The following MAP3K9 variants were observed in gnomAD, a reference collection of about 807,000 sequenced individuals.
MAP3K9 encodes mixed lineage kinase 1 (tyr and ser/thr specificity).
A neutral mutation model predicts 95.8 loss-of-function variants in MAP3K9; 46 were observed. That is an observed-to-expected ratio of 0.48 (90% CI 0.38 to 0.61). MAP3K9 has a LOEUF of 0.61. Among genes scored for constraint, MAP3K9 ranks in the 20% least tolerant of loss-of-function variants. The pLI, the probability that MAP3K9 is intolerant of heterozygous loss-of-function variation, is 0.00. For synonymous variants in MAP3K9, 533 were observed against 593.8 expected (o/e 0.90, Z 1.49); for missense variants, 1,296 against 1,474.3 (o/e 0.88, Z 1.98).
intron 1 of MAP3K9, among the ~76,000 whole-genome samples, chr14:70,803,265 G>A (rs1393499132): frequency 6.8e-6 from 1 of 146,914 alleles, no homozygotes; most frequent in Non-Finnish European, 1.5e-5. Context: ...CCCAGCCTCA[G>A]GTATTCCTTC....
intron 1 of MAP3K9, among the ~76,000 whole-genome samples, chr14:70,808,078 G>A (rs2055010888): frequency 1.3e-5 from 2 of 152,184 alleles, no homozygotes; most frequent in Admixed American, 1.3e-4. Context: ...ATGGGGGAAC[G>A]ACATACTTTT....
At chr14:70,748,723 G>A in intron 5 of MAP3K9, 106 bp downstream of exon 5, 1 of 800,534 alleles carries the variant, frequency 1.2e-6, no homozygotes, top group Non-Finnish European at 1.9e-6. Flanking sequence ...AATCAAGATG[G>A]TCAGTCAGAC....
chr14:70,766,919 ACACTATATG>A (rs2139795629), intron 2 of MAP3K9, among the ~76,000 whole-genome samples: 1 of 152,292 alleles, frequency 6.6e-6, no homozygotes, highest in African/African-American at 2.4e-5. Flanking sequence ...ACATAATCTA[ACACTATATG>A]CACTTCTAAT....
At chr14:70,804,955 T>C (rs992723721) in intron 1 of MAP3K9, among the ~76,000 whole-genome samples, 1 of 152,128 alleles carries the variant, frequency 6.6e-6, no homozygotes, top group Non-Finnish European at 1.5e-5. Context: ...GCTCAGTCCC[T>C]GTGGATAGGA....
chr14:70,806,397 T>C (rs1314065374), intron 1 of MAP3K9, among the ~76,000 whole-genome samples: 1 of 152,252 alleles, frequency 6.6e-6, no homozygotes, highest in Non-Finnish European at 1.5e-5. Flanking sequence ...TAATTAGTTT[T>C]TGACTGAAAC....
At chr14:70,766,845 C>T (rs1482882186) in intron 2 of MAP3K9, among the ~76,000 whole-genome samples, 2 of 152,176 alleles carry the variant, frequency 1.3e-5, no homozygotes, top group African/African-American at 4.8e-5. Flanking sequence ...ATCCCTAAAG[C>T]TGTAATTGAT....
At chr14:70,783,616 T>C (rs1172059922) in intron 2 of MAP3K9, among the ~76,000 whole-genome samples, 1 of 152,242 alleles carries the variant, frequency 6.6e-6, no homozygotes, top group South Asian at 2.1e-4. Flanking sequence ...TCAATCCAAA[T>C]TGGAGCTTCA....
In MAP3K9 at chr14:70,742,476, T is replaced by C. The variant is rs1477069784; in HGVS notation, c.1442A>G (p.Glu481Gly). ...ELAEREIDIL[E>G]RELNIIIHQL... ...GTGGATGATGATGTTGAGCTCCCGT[T>C]CCAGGATGTCAATCTCCCGCTCGGC... Residue 481 changes from glutamate to glycine, a missense_variant, in exon 6 of 12, where the codon GAA (glutamate) becomes GGA (glycine). Physicochemically the swap from Glu to Gly is moderately conservative, Grantham distance 98. This residue lies in a region of MAP3K9 where 377 missense variants were observed against 417.1 expected (regional missense o/e 0.90). Transcript: ENST00000554752. The C allele has an allele frequency of 6.2e-7, 1 of 1,614,218 alleles. No homozygotes were observed. Among genetic ancestry groups the C allele is most frequent in the South Asian group, 1.1e-5 (1 of 91,084 alleles).
At chr14:70,803,625 G>A (rs796365766) in intron 1 of MAP3K9, among the ~76,000 whole-genome samples, 8 of 152,236 alleles carry the variant, frequency 5.3e-5, no homozygotes, top group African/African-American at 1.9e-4. Flanking sequence ...TCTGTATTTT[G>A]TAATGCAACT....
intron 3 of MAP3K9, among the ~76,000 whole-genome samples, chr14:70,753,163 C>T (rs981783071): frequency 6.6e-6 from 1 of 152,196 alleles, no homozygotes; most frequent in Non-Finnish European, 1.5e-5. Context: ...ACAGCAATAC[C>T]GACCTTACAG....
chr14:70,730,687 C>T lies in MAP3K9; in HGVS notation c.3008G>A (p.Arg1003Gln), dbSNP rs747893572. 2.5e-6 allele frequency: 4 copies of T among 1,613,784 alleles called. No homozygotes were observed. The highest frequency in any genetic ancestry group is 2.5e-6 in the Non-Finnish European group (3 of 1,180,028). The change falls in exon 12 of 12, where the codon CGG (arginine) becomes CAG (glutamine). Residue 1003 changes from arginine to glutamine, a missense_variant. Physicochemically the swap from Arg to Gln is conservative, Grantham distance 43. Transcript: ENST00000554752. Reference protein sequence around the residue: ...PRPRPSANRQRLDPWWFVSPS... With the variant: ...PRPRPSANRQQLDPWWFVSPS... ...GGACACAAACCACCAAGGGTCCAGC[C>T]GTTGCCGGTTGGCAGAAGGACGCGG...
At chr14:70,742,081 T>C (rs1262469378) in intron 6 of MAP3K9, among the ~76,000 whole-genome samples, 1 of 152,244 alleles carries the variant, frequency 6.6e-6, no homozygotes, top group Non-Finnish European at 1.5e-5. Flanking sequence ...GATGTGCCCC[T>C]GTGAGCCACC....
At chr14:70,776,152 A>G (rs1342538596) in intron 2 of MAP3K9, among the ~76,000 whole-genome samples, 2 of 152,152 alleles carry the variant, frequency 1.3e-5, no homozygotes, top group Non-Finnish European at 2.9e-5. Context: ...TCGCGCCATT[A>G]CACTCCAGCC....
chr14:70,783,711 C>T (rs2054710925), intron 2 of MAP3K9, among the ~76,000 whole-genome samples: 1 of 152,352 alleles, frequency 6.6e-6, no homozygotes, highest in South Asian at 2.1e-4. Context: ...GCTCAGCGCT[C>T]CTCCAGGAGG....
intron 1 of MAP3K9, among the ~76,000 whole-genome samples, chr14:70,803,374 C>G (rs1357281065): frequency 8.5e-6 from 1 of 117,778 alleles, no homozygotes; most frequent in African/African-American, 3.2e-5. Context: ...TGAACTGGAA[C>G]TAGACCTTCT....
chr14:70,808,773 G>T lies in MAP3K9; in HGVS notation c.399C>A (p.Pro133=). 1 of 1,555,384 alleles carries T rather than the reference G, an allele frequency of 6.4e-7. No individual in the cohort carries two copies. Among genetic ancestry groups the T allele is most frequent in the South Asian group, 1.2e-5 (1 of 83,650 alleles). The change falls in exon 1 of 12, where the codon CCC becomes CCA. Residue 133 remains proline (P), a synonymous_variant. Transcript: ENST00000554752. The stretch of plus-strand genomic sequence containing the variant: ...GCCCCGCCTTCGCCTTACACTGAAT[G>T]GGCGGGTAGCAACTGGGGTCCTCGC... ...PGGEDPSCYP[P]IQLLEIDFAE...
intron 7 of MAP3K9, among the ~76,000 whole-genome samples, chr14:70,738,752 A>G (rs2054022077): frequency 6.6e-6 from 1 of 152,160 alleles, no homozygotes. Context: ...AAGGGGGGAA[A>G]AAAGACAAGG....
At chr14:70,731,516 T>A (rs923115093) in intron 11 of MAP3K9, among the ~76,000 whole-genome samples, 6 of 152,210 alleles carry the variant, frequency 3.9e-5, no homozygotes, top group African/African-American at 1.4e-4. Context: ...GCTTTCCCAC[T>A]ACGGCAGCGT....
chr14:70,751,025 C>A (rs2054219132), intron 3 of MAP3K9, among the ~76,000 whole-genome samples: 1 of 146,872 alleles, frequency 6.8e-6, no homozygotes, highest in South Asian at 2.2e-4. Context: ...GATTTCTGCC[C>A]CCAGATCAGC....
Sources: allele counts gnomAD v4.1 joint callset (sites outside exome capture counted in the v4.1 genomes callset), GRCh38; gene constraint gnomAD v4.1.1; regional missense constraint gnomAD v4.1.1; transcripts MANE v1.5; gene names NCBI Gene and HGNC (gene_info 2026-07-23, HGNC 2026-07-21).